Variants in MDGA2 observed in about 807,000 individuals in gnomAD.
MDGA2 encodes the protein MAM domain-containing glycosylphosphatidylinositol anchor protein 2.
Under a neutral mutation model 117.8 loss-of-function variants are expected in MDGA2, and 40 were observed. The ratio of observed to expected loss-of-function variants is 0.34; its 90% CI spans 0.26 to 0.44. MDGA2 has a LOEUF of 0.44. Ranked by LOEUF, MDGA2 falls within the 20% of genes least tolerant of loss-of-function variation. MDGA2 has a pLI of 1.00. For synonymous variants in MDGA2, 452 were observed against 439.0 expected, an observed-to-expected ratio of 1.03 and a Z score of -0.37; for missense variants, 1,123 against 1,250.6, an observed-to-expected ratio of 0.90 and a Z score of 1.54.
Position 47,559,460 on chromosome 14 carries a change from T to C in MDGA2, c.280+115057A>G, listed in dbSNP as rs564768551. 7.2e-5 allele frequency among the ~76,000 whole-genome samples: 11 copies of C among 152,340 alleles called. No individual in the cohort carries two copies. In the East Asian group the frequency reaches 1.7e-3, roughly 24 times the overall value. Reference sequence around the variant, plus strand: ...TTTTATGGCTATTCTATGGTGTATATGCATCACATTTTCTTTATCCATTCT... The same window carrying C: ...TTTTATGGCTATTCTATGGTGTATACGCATCACATTTTCTTTATCCATTCT... On this transcript the variant is annotated intron_variant, in intron 1 of 16. Transcript: ENST00000399232.
At chr14:47,172,150 C>G (rs576050182) in intron 3 of MDGA2, among the ~76,000 whole-genome samples, 1 of 152,152 alleles carries the variant, frequency 6.6e-6, no homozygotes, top group Non-Finnish European at 1.5e-5. Context: ...CAGGAAGCTC[C>G]GACTGGGTGG....
intron 1 of MDGA2, among the ~76,000 whole-genome samples, chr14:47,517,477 C>G (rs140508881): frequency 1.2e-3 from 177 of 151,942 alleles, no homozygotes; most frequent in African/African-American, 4.2e-3. Flanking sequence ...TTTTAATCTT[C>G]ATTTTAAAAA....
chr14:47,410,525 C>T (rs1489453440), intron 1 of MDGA2, among the ~76,000 whole-genome samples: 1 of 152,036 alleles, frequency 6.6e-6, no homozygotes, highest in African/African-American at 2.4e-5. Flanking sequence ...CAAGTGATTT[C>T]AGACAACAAA....
chr14:47,384,586 A>T (rs1259315781), intron 1 of MDGA2, among the ~76,000 whole-genome samples: 1 of 152,002 alleles, frequency 6.6e-6, no homozygotes, highest in African/African-American at 2.4e-5. Context: ...CCAACCCAGT[A>T]TATTTCATAC....
At chr14:47,065,231 G>C (rs924732048) in intron 6 of MDGA2, among the ~76,000 whole-genome samples, 3 of 152,106 alleles carry the variant, frequency 2.0e-5, no homozygotes, top group African/African-American at 7.2e-5. Context: ...ATTGAATACA[G>C]GCTTGGCCTA....
At chr14:47,074,457 C>T (rs564694849) in intron 6 of MDGA2, among the ~76,000 whole-genome samples, 1 of 152,158 alleles carries the variant, frequency 6.6e-6, no homozygotes, top group African/African-American at 2.4e-5. Context: ...CCCGCCACCA[C>T]GCCCGGCTAA....
At chr14:47,563,758 A>G (rs1895865967) in intron 1 of MDGA2, among the ~76,000 whole-genome samples, 1 of 151,890 alleles carries the variant, frequency 6.6e-6, no homozygotes, top group Non-Finnish European at 1.5e-5. Context: ...CCTTTAAATT[A>G]AAAGTTAATA....
At chr14:46,893,894 T>C (rs929553479) in intron 10 of MDGA2, among the ~76,000 whole-genome samples, 2 of 151,986 alleles carry the variant, frequency 1.3e-5, no homozygotes, top group Admixed American at 6.6e-5. Flanking sequence ...ACCATGGATA[T>C]TTTATAAATT....
rs1880633598 is a variant in MDGA2 at position 46,841,982 on chromosome 14, T to C, written c.3027A>G (p.Ile1009Met). 6.2e-7 allele frequency: 1 copy of C among 1,612,482 alleles called. No individual in the cohort carries two copies. The highest frequency in any genetic ancestry group is 1.3e-5 in the African/African-American group (1 of 74,774). The change falls in exon 17 of 17, where the codon ATA (isoleucine) becomes ATG (methionine). Residue 1009 changes from isoleucine (I) to methionine (M), a missense_variant. Physicochemically the swap from Ile to Met is conservative, Grantham distance 10. Transcript: ENST00000399232. ...VDGAVGILVH[I>M]WLFPIIVLIS... ...TGAGGACGATAATGGGAAAAAGCCA[T>C]ATATGAACCAAAATCCCAACAGCAC...
intron 1 of MDGA2, among the ~76,000 whole-genome samples, chr14:47,558,367 G>A (rs926572787): frequency 6.6e-6 from 1 of 152,130 alleles, no homozygotes; most frequent in African/African-American, 2.4e-5. Flanking sequence ...TTTTAACCCA[G>A]CATCTGGAGG....
intron 1 of MDGA2, among the ~76,000 whole-genome samples, chr14:47,373,271 G>T (rs1375480442): frequency 2.0e-5 from 3 of 151,874 alleles, no homozygotes; most frequent in Non-Finnish European, 4.4e-5. Context: ...GATCAGTAAA[G>T]GATAAAGTAT....
At chr14:47,085,612 T>C (rs1489509625) in intron 6 of MDGA2, among the ~76,000 whole-genome samples, 1 of 125,440 alleles carries the variant, frequency 8.0e-6, no homozygotes, top group East Asian at 2.2e-4. Flanking sequence ...ATACTATAAA[T>C]CAAGTCTTTT....
At chr14:47,554,839 C>T (rs1895653932) in intron 1 of MDGA2, among the ~76,000 whole-genome samples, 1 of 152,140 alleles carries the variant, frequency 6.6e-6, no homozygotes, top group Admixed American at 6.5e-5. Context: ...AGTGTGGAAA[C>T]TGAGAACAAA....
intron 1 of MDGA2, among the ~76,000 whole-genome samples, chr14:47,498,642 AAAAT>A (rs1255652884): frequency 6.6e-6 from 1 of 152,182 alleles, no homozygotes; most frequent in Non-Finnish European, 1.5e-5. Flanking sequence ...AGTCAGGAAA[AAAAT>A]AATGGCATTA....
intron 3 of MDGA2, among the ~76,000 whole-genome samples, chr14:47,195,744 TATAA>T (rs1885267076): frequency 6.6e-6 from 1 of 152,106 alleles, no homozygotes; most frequent in Non-Finnish European, 1.5e-5. Context: ...CTGAGGAATT[TATAA>T]ATAGATTACA....
In MDGA2 at chr14:46,880,732, G is replaced by A. The variant is rs138758381; in HGVS notation, c.2416+1312C>T. Among the ~76,000 whole-genome samples, 670 of 149,886 alleles carry A rather than the reference G, an allele frequency of 4.5e-3. 2 individuals are homozygous for A. Among genetic ancestry groups the A allele is most frequent in the African/African-American group, 0.015 (624 of 40,650 alleles). Reference sequence around the variant, plus strand: ...CAGGATAATTGCTTGTACCCAGGAGGTGGAGGTTGCGGTGAGCCAAGATTG... The same window carrying A: ...CAGGATAATTGCTTGTACCCAGGAGATGGAGGTTGCGGTGAGCCAAGATTG... On this transcript the variant is annotated intron_variant, in intron 11 of 16. Coordinates refer to ENST00000399232, the MANE Select transcript of MDGA2 (RefSeq NM_001113498.3).
At chr14:47,557,992 T>C (rs985780969) in intron 1 of MDGA2, among the ~76,000 whole-genome samples, 8 of 152,222 alleles carry the variant, frequency 5.3e-5, no homozygotes, top group African/African-American at 1.7e-4. Flanking sequence ...ATAGTTGAGA[T>C]ATCAGTGTGA....
At chr14:47,218,227 A>T (rs1383973917) in intron 2 of MDGA2, 32 bp from the exon 3 acceptor site, 8 of 1,461,694 alleles carry the variant, frequency 5.5e-6, no homozygotes, top group South Asian at 1.4e-5. Flanking sequence ...TTGTTACTTT[A>T]GGTTGGTTTT....
At chr14:47,671,197 A>G (rs1161918921) in intron 1 of MDGA2, among the ~76,000 whole-genome samples, 1 of 152,192 alleles carries the variant, frequency 6.6e-6, no homozygotes, top group Non-Finnish European at 1.5e-5. Flanking sequence ...TATAAATCTT[A>G]GCTATTGTGC....
Sources: allele counts gnomAD v4.1 joint callset (sites outside exome capture counted in the v4.1 genomes callset), GRCh38; gene constraint gnomAD v4.1.1; transcripts MANE v1.5; gene names NCBI Gene and HGNC (gene_info 2026-07-23, HGNC 2026-07-21).